The following GATA4 variants were observed in gnomAD, a reference collection of about 807,000 sequenced individuals.
The protein encoded by GATA4 is transcription factor GATA-4.
A neutral mutation model predicts 37.9 loss-of-function variants in GATA4; 7 were observed. The observed-to-expected ratio is 0.18, with a 90% CI of 0.11 to 0.35. The LOEUF is 0.35. Among genes scored for constraint, GATA4 ranks in the 10% least tolerant of loss-of-function variants. The probability of loss-of-function intolerance (pLI) is 1.00; values close to 1 mark genes in which losing one functional copy is unlikely to be tolerated. For missense variants in GATA4, 647 were observed against 653.0 expected (o/e 0.99, Z 0.10); for synonymous variants, 372 against 292.6 (o/e 1.27, Z -2.77).
chr8:11,710,693 A>T (rs1189234286), intron 2 of GATA4, among the ~76,000 whole-genome samples: 1 of 148,570 alleles, frequency 6.7e-6, no homozygotes, highest in Non-Finnish European at 1.5e-5. Context: ...CGTCTCAAAA[A>T]AAAAAAAAAA....
chr8:11,734,643 T>A (rs1801368779), intron 2 of GATA4, among the ~76,000 whole-genome samples: 1 of 152,190 alleles, frequency 6.6e-6, no homozygotes, highest in South Asian at 2.1e-4. Context: ...TGCACCACCA[T>A]GCTCGGCTAA....
intron 6 of GATA4, 98 bp downstream of exon 6, chr8:11,757,181 C>T: frequency 1.3e-6 from 2 of 1,528,846 alleles, no homozygotes; most frequent in Non-Finnish European, 8.9e-7. Flanking sequence ...GCAGCCAGGC[C>T]TCACAGGTGC....
upstream of GATA4, among the ~76,000 whole-genome samples, chr8:11,688,133 C>G (rs1799198890): frequency 6.6e-6 from 1 of 152,154 alleles, no homozygotes; most frequent in Non-Finnish European, 1.5e-5. Context: ...TCCAGCCTTT[C>G]CAAGGTGCAA....
intron 1 of GATA4, chr8:11,706,081 A>T (rs981615218): frequency 6.6e-6 from 1 of 152,198 alleles, no homozygotes; most frequent in Non-Finnish European, 1.5e-5. Context: ...AAAGTTGGTG[A>T]CCTCAGGTCA....
intron 4 of GATA4, among the ~76,000 whole-genome samples, chr8:11,754,784 A>G (rs1469255881): frequency 6.6e-6 from 1 of 152,344 alleles, no homozygotes; most frequent in East Asian, 1.9e-4. Flanking sequence ...TTCTGAGGGT[A>G]GGAGCTGTGT....
chr8:11,707,248 T>C lies in GATA4; in HGVS notation c.-457-608T>C, dbSNP rs1799926891. 6.6e-6 allele frequency among the ~76,000 whole-genome samples: 1 copy of C among 152,104 alleles called. No individual in the cohort carries two copies. Among genetic ancestry groups the C allele is most frequent in the African/African-American group, 2.4e-5 (1 of 41,434 alleles). ...ACATGGTTAGTGTATGGATGAGGGT[T>C]TCAGAACCCTCTTCAGGAGGCTTAG... On this transcript the variant is annotated intron_variant, in intron 1 of 6. Coordinates refer to ENST00000532059, the MANE Select transcript of GATA4 (RefSeq NM_001308093.3). This position sits in a 1 kb window ranked among gnomAD's most constrained non-coding sequence, Gnocchi z 4.7.
intron 1 of GATA4, chr8:11,680,827 C>G: frequency 1.0e-6 from 1 of 985,330 alleles, no homozygotes; most frequent in Non-Finnish European, 1.2e-6. Flanking sequence ...GGTCCCCACG[C>G]TCTGGGCAGC....
chr8:11,751,466 G>T (rs1000498342), intron 4 of GATA4, among the ~76,000 whole-genome samples: 2 of 152,146 alleles, frequency 1.3e-5, no homozygotes, highest in Admixed American at 6.5e-5. Flanking sequence ...CTGGGGTCCT[G>T]GGGAGAAGGG....
intron 2 of GATA4, among the ~76,000 whole-genome samples, chr8:11,739,215 C>G (rs1369883098): frequency 6.6e-6 from 1 of 152,220 alleles, no homozygotes; most frequent in African/African-American, 2.4e-5. Context: ...AACCATGTTA[C>G]AGGAAGAGAA....
intron 1 of GATA4, among the ~76,000 whole-genome samples, chr8:11,705,406 C>T (rs1368596225): frequency 6.6e-6 from 1 of 152,348 alleles, no homozygotes; most frequent in South Asian, 2.1e-4. Flanking sequence ...TAAACCCAGG[C>T]CAGCGAGGAG....
intron 1 of GATA4, among the ~76,000 whole-genome samples, chr8:11,696,497 T>C (rs1799512892): frequency 6.6e-6 from 1 of 152,268 alleles, no homozygotes; most frequent in Non-Finnish European, 1.5e-5. Flanking sequence ...TACCTCAGTT[T>C]ACCTATTCCC....
chr8:11,692,636 GC>G, exon 1 of GATA4: 1 of 985,288 alleles, frequency 1.0e-6, no homozygotes, highest in Non-Finnish European at 1.2e-6. Flanking sequence ...CGCGGCCTCT[GC>G]GCCTCAGCCG....
chr8:11,682,981 G>A (rs1799020956), intron 1 of GATA4: 2 of 818,476 alleles, frequency 2.4e-6, no homozygotes, highest in African/African-American at 3.7e-5. Flanking sequence ...AAGATACTGG[G>A]TTCAGAGAAA....
intron 1 of GATA4, among the ~76,000 whole-genome samples, chr8:11,682,725 C>T (rs1361395498): frequency 1.3e-5 from 2 of 152,156 alleles, no homozygotes; most frequent in African/African-American, 2.4e-5. Context: ...GCAATGATTG[C>T]AGAACAACAA....
upstream of GATA4, among the ~76,000 whole-genome samples, chr8:11,689,637 G>A (rs1239919437): frequency 6.6e-6 from 1 of 152,168 alleles, no homozygotes; most frequent in Non-Finnish European, 1.5e-5. Flanking sequence ...TGGAATGACT[G>A]CGGTTTTGAA....
intron 2 of GATA4, among the ~76,000 whole-genome samples, chr8:11,720,921 TAGA>T (rs1161631534): frequency 2.0e-5 from 3 of 152,194 alleles, no homozygotes; most frequent in African/African-American, 4.8e-5. Flanking sequence ...GGAGATTTCA[TAGA>T]AGTTCAGCTC....
chr8:11,720,066 A>C (rs1030663618), intron 2 of GATA4, among the ~76,000 whole-genome samples: 6 of 151,884 alleles, frequency 4.0e-5, no homozygotes, highest in African/African-American at 1.5e-4. Flanking sequence ...AGGTGAAAGC[A>C]CATTGGTCTG....
intron 2 of GATA4, among the ~76,000 whole-genome samples, chr8:11,716,269 G>T (rs1443396243): frequency 2.0e-5 from 3 of 151,982 alleles, no homozygotes; most frequent in African/African-American, 7.2e-5. Context: ...TTAAAAAACA[G>T]ATACATGATA....
intron 4 of GATA4, among the ~76,000 whole-genome samples, chr8:11,751,390 G>T (rs1306782712): frequency 6.6e-6 from 1 of 152,202 alleles, no homozygotes; most frequent in African/African-American, 2.4e-5. Context: ...GGTAGGATAT[G>T]TAGAGATTGG....
Sources: gnomAD v4.1 joint callset for allele counts (sites outside exome capture counted in the v4.1 genomes callset) on GRCh38, gnomAD v4.1.1 for gene constraint, Gnocchi (gnomAD v3.1) non-coding constraint, MANE v1.5 for transcripts, NCBI Gene and HGNC (gene_info 2026-07-23, HGNC 2026-07-21) for gene names.